The following BBOF1 variants were observed in gnomAD, a reference collection of about 807,000 sequenced individuals.
BBOF1 encodes basal body orientation factor 1.
BBOF1 carries 62 observed loss-of-function variants against 68.0 expected under a neutral mutation model. The observed-to-expected ratio is 0.91, with a 90% CI of 0.74 to 1.13. The LOEUF (loss-of-function observed/expected upper bound fraction) is 1.13, where lower values mean the gene tolerates loss of function less well. Ranked by LOEUF, BBOF1 falls within the 50% of genes most tolerant of loss-of-function variation. The pLI is 0.00. For missense variants in BBOF1, 534 were observed against 600.1 expected (o/e 0.89, Z 1.15); for synonymous variants, 208 against 198.8 (o/e 1.05, Z -0.39).
downstream of BBOF1, chr14:74,067,484 G>T (rs754564570): frequency 6.2e-7 from 1 of 1,614,216 alleles, no homozygotes; most frequent in Admixed American, 1.7e-5. Flanking sequence ...GCGCTGACCA[G>T]CAGCTCCAAA....
intron 5 of BBOF1, among the ~76,000 whole-genome samples, chr14:74,042,230 T>G (rs1211758314): frequency 6.6e-6 from 1 of 152,182 alleles, no homozygotes; most frequent in Non-Finnish European, 1.5e-5. Context: ...GGTTCCAGTT[T>G]GTGTATGGAA....
Position 74,020,064 on chromosome 14 carries a change from A to G in BBOF1, c.56+530A>G, listed in dbSNP as rs73303121. 4.5e-3 allele frequency among the ~76,000 whole-genome samples: 691 copies of G among 152,342 alleles called. 4 individuals are homozygous for G. The highest frequency in any genetic ancestry group is 0.015 in the African/African-American group (644 of 41,578). The stretch of plus-strand genomic sequence containing the variant: ...AGAGTAATTCATGCTCAATACAGAA[A>G]GTTTGGGAAACATGGGAAGTACCAA... On this transcript the variant is annotated intron_variant, in intron 1 of 11. Transcript: ENST00000394009.
intron 11 of BBOF1, chr14:74,060,533 C>T: frequency 1.2e-6 from 1 of 854,150 alleles, no homozygotes; most frequent in Non-Finnish European, 2.0e-6. Flanking sequence ...ATTTTAGTTA[C>T]AATGTATTCC....
At chr14:74,082,492 C>G (rs4903180) in intron 12 of BBOF1, among the ~76,000 whole-genome samples, 5 of 147,292 alleles carry the variant, frequency 3.4e-5, no homozygotes, top group Non-Finnish European at 5.9e-5. Flanking sequence ...CTCCGTCTTC[C>G]GGGTTCAAGC....
At chr14:74,025,672 T>C (rs1382178921) in intron 2 of BBOF1, among the ~76,000 whole-genome samples, 1 of 152,204 alleles carries the variant, frequency 6.6e-6, no homozygotes, top group Non-Finnish European at 1.5e-5. Context: ...AATATCTAGA[T>C]TTTTTCCTAA....
At chr14:74,043,785 G>A (rs1316992949) in intron 5 of BBOF1, among the ~76,000 whole-genome samples, 2 of 150,230 alleles carry the variant, frequency 1.3e-5, no homozygotes, top group South Asian at 2.2e-4. Flanking sequence ...TGCCCGCTTC[G>A]GCCTCCCAAA....
chr14:74,042,535 C>T lies in BBOF1; in HGVS notation c.576+1890C>T, dbSNP rs143975245. On this transcript the variant is annotated intron_variant, in intron 5 of 11. Coordinates refer to ENST00000394009, the MANE Select transcript of BBOF1 (RefSeq NM_025057.3). ...CAAGGTAGTTAACTGCAGTTTGAAGCTCTGTGTTCAAGACAAGAAGGGAGG... is the reference window on the plus strand; with the variant it reads ...CAAGGTAGTTAACTGCAGTTTGAAGTTCTGTGTTCAAGACAAGAAGGGAGG... Among the ~76,000 whole-genome samples the T allele has an allele frequency of 4.9e-3, 745 of 152,290 alleles. 1 individual carries two copies. Among genetic ancestry groups the T allele is most frequent in the Non-Finnish European group, 9.0e-3 (609 of 68,032 alleles).
intron 9 of BBOF1, chr14:74,072,581 A>G (rs1234349127): frequency 6.2e-7 from 1 of 1,614,094 alleles, no homozygotes; most frequent in Non-Finnish European, 8.5e-7. Flanking sequence ...GATTCAACGA[A>G]TTTCCCACCA....
At chr14:74,044,880 AC>A (rs777566866) in intron 5 of BBOF1, among the ~76,000 whole-genome samples, 17 of 152,142 alleles carry the variant, frequency 1.1e-4, no homozygotes, top group Non-Finnish European at 2.4e-4. Context: ...AGCTGAGATC[AC>A]GCCACTGTAC....
At chr14:74,077,555 G>A (rs991807391) in intron 9 of BBOF1, among the ~76,000 whole-genome samples, 6 of 152,102 alleles carry the variant, frequency 3.9e-5, no homozygotes, top group Non-Finnish European at 8.8e-5. Context: ...AAAACTGGGG[G>A]GGTATCCTGG....
At chr14:74,071,950 A>G in intron 9 of BBOF1, 2 of 1,614,180 alleles carry the variant, frequency 1.2e-6, no homozygotes, top group East Asian at 2.2e-5. Context: ...CCTTGTTCCA[A>G]TGTGATTAAC....
At chr14:74,079,539 T>A (rs1240795781) in intron 10 of BBOF1, among the ~76,000 whole-genome samples, 1 of 151,884 alleles carries the variant, frequency 6.6e-6, no homozygotes, top group Non-Finnish European at 1.5e-5. Flanking sequence ...GTTCACACCT[T>A]CTCCTGCCTC....
chr14:74,060,637 T>C (rs977363161), intron 11 of BBOF1: 8 of 1,598,346 alleles, frequency 5.0e-6, no homozygotes, highest in Non-Finnish European at 6.0e-6. Flanking sequence ...TAAACAAACT[T>C]GTTTCTAACG....
intron 10 of BBOF1, among the ~76,000 whole-genome samples, chr14:74,080,594 T>G (rs1028941033): frequency 2.6e-5 from 4 of 152,082 alleles, no homozygotes; most frequent in Non-Finnish European, 4.4e-5. Context: ...CATGCCACCA[T>G]GCCCAGCTAA....
intron 11 of BBOF1, chr14:74,057,945 A>G (rs1009640380): frequency 1.0e-6 from 1 of 957,188 alleles, no homozygotes; most frequent in Non-Finnish European, 1.2e-6. Context: ...AATGTTAGGA[A>G]TCTCTGTGAC....
intron 3 of BBOF1, among the ~76,000 whole-genome samples, chr14:74,033,023 C>G (rs1482444709): frequency 1.3e-5 from 2 of 151,952 alleles, no homozygotes; most frequent in Non-Finnish European, 2.9e-5. Flanking sequence ...CTTCCTTCCT[C>G]ATCCTCCTTC....
chr14:74,039,593 T>C (rs2059786042), intron 4 of BBOF1, among the ~76,000 whole-genome samples: 1 of 110,598 alleles, frequency 9.0e-6, no homozygotes, highest in South Asian at 4.1e-4. Context: ...CACGCCTGGC[T>C]AATTTTTTTT....
chr14:74,046,046 AT>A lies in BBOF1; in HGVS notation c.577-10del. The A allele has an allele frequency of 6.3e-7, 1 of 1,594,312 alleles. No homozygotes were observed. Among genetic ancestry groups the A allele is most frequent in the Non-Finnish European group, 8.5e-7 (1 of 1,171,740 alleles). On this transcript the variant is annotated splice_polypyrimidine_tract_variant and intron_variant, in intron 5 of 11. Coordinates refer to ENST00000394009, the MANE Select transcript of BBOF1 (RefSeq NM_025057.3). ...AGGGGCATAATTATTTAAGCAGCCC[AT>A]TTTCTTTTTTAGCACCGACTAGAAC...
chr14:74,072,410 T>C, intron 9 of BBOF1: 1 of 1,614,044 alleles, frequency 6.2e-7, no homozygotes, highest in Non-Finnish European at 8.5e-7. Context: ...ACTCACCTTC[T>C]CCACTGTACA....
Sources: gnomAD v4.1 joint callset for allele counts (sites outside exome capture counted in the v4.1 genomes callset) on GRCh38, gnomAD v4.1.1 for gene constraint, MANE v1.5 for transcripts, NCBI Gene and HGNC (gene_info 2026-07-23, HGNC 2026-07-21) for gene names.